Variants in U2SURP observed in about 807,000 individuals in gnomAD.
U2SURP encodes the protein U2 snRNP-associated SURP motif-containing protein.
Under a neutral mutation model 144.9 loss-of-function variants are expected in U2SURP, and 9 were observed. The observed-to-expected ratio is 0.06, with a 90% CI of 0.04 to 0.11. The LOEUF (loss-of-function observed/expected upper bound fraction) is 0.11, where lower values mean the gene tolerates loss of function less well. U2SURP is among the 10% of genes least tolerant of loss of function. U2SURP has a pLI of 1.00. For missense variants in U2SURP, 724 were observed against 1,226.7 expected (o/e 0.59, Z 6.12); for synonymous variants, 408 against 396.8 (o/e 1.03, Z -0.33).
At position 143,001,651 on chromosome 3, in the gene U2SURP, G is replaced by T. The variant is rs755269749; in HGVS notation, c.23G>T (p.Gly8Val). 23 of 1,613,874 alleles carry T rather than the reference G, an allele frequency of 1.4e-5. No individual in the cohort carries two copies. The highest frequency in any genetic ancestry group is 1.9e-5 in the Non-Finnish European group (23 of 1,179,902). MADKTPG[G>V]SQKASSKTRS... ...AAGATGGCGGACAAAACGCCAGGCG[G>T]ATCTCAGAAGGCCAGTTCAAAGGTA... The change falls in exon 1 of 28, where the codon GGA becomes GTA. Residue 8 changes from glycine to valine, a missense_variant. By Grantham distance (109) the Gly-to-Val change is moderately radical (BLOSUM62 -3). Coordinates refer to ENST00000473835, the MANE Select transcript of U2SURP (RefSeq NM_001080415.2).
intron 1 of U2SURP, among the ~76,000 whole-genome samples, chr3:143,009,292 C>A (rs1485997600): frequency 6.6e-6 from 1 of 151,876 alleles, no homozygotes; most frequent in African/African-American, 2.4e-5. Context: ...GACAGAAAAA[C>A]CATGGACAGA....
chr3:143,031,283 G>T lies in U2SURP; in HGVS notation c.1611-1501G>T, dbSNP rs73157691. On this transcript the variant is annotated intron_variant, in intron 16 of 27. Coordinates refer to ENST00000473835, the MANE Select transcript of U2SURP (RefSeq NM_001080415.2). ...GAGAGGATTGACTACAGTTTGGCAA[G>T]ACATTCTCCTCTGGGTAAAATGTTA... Among the ~76,000 whole-genome samples the T allele has an allele frequency of 9.3e-3, 1,410 of 152,314 alleles. 11 individuals are homozygous for T. The highest frequency in any genetic ancestry group is 0.017 in the Non-Finnish European group (1,127 of 68,014).
chr3:143,045,028 A>C (rs1392944613), intron 24 of U2SURP, among the ~76,000 whole-genome samples: 2 of 152,090 alleles, frequency 1.3e-5, no homozygotes. Flanking sequence ...TCACCTGTGC[A>C]CCTTTTCAAC....
rs1935280883 is a variant in U2SURP, at chr3:143,059,290, A to G, written c.*2840A>G. The stretch of plus-strand genomic sequence containing the variant: ...CTAAAGATGGCAGAAATTACTCTAC[A>G]CAGACCTGATTTTTCTTTATTGCAG... On this transcript the variant is annotated 3_prime_UTR_variant, in exon 28 of 28. Transcript: ENST00000473835. 6.6e-6 allele frequency: 1 copy of G among 152,350 alleles called. No homozygotes were observed. The highest frequency in any genetic ancestry group is 1.5e-5 in the Non-Finnish European group (1 of 67,818). The allele number at this position is 152,350 out of a possible 1,614,324, so 9.4% of individuals were successfully genotyped here. A position where few individuals can be genotyped will look rare whatever the true frequency, so the allele number is the denominator to read the frequency against.
intron 1 of U2SURP, among the ~76,000 whole-genome samples, chr3:143,005,842 C>CT (rs1935802660): frequency 6.6e-6 from 1 of 151,550 alleles, no homozygotes; most frequent in Non-Finnish European, 1.5e-5. Context: ...ACCCTCCACC[C>CT]TTTTTTTCAA....
intron 1 of U2SURP, among the ~76,000 whole-genome samples, chr3:143,005,125 C>A (rs893737271): frequency 2.0e-5 from 3 of 150,250 alleles, no homozygotes; most frequent in South Asian, 2.1e-4. Flanking sequence ...CCTGCTATTT[C>A]ACTCTGTGAC....
At chr3:143,037,982 A>G (rs1933902056) in intron 21 of U2SURP, 126 bp from the exon 22 acceptor site, 1 of 563,578 alleles carries the variant, frequency 1.8e-6, no homozygotes. Flanking sequence ...TGTTCTTAGT[A>G]TTACTATTTG....
At chr3:143,013,862 G>A (rs1207640230) in intron 3 of U2SURP, among the ~76,000 whole-genome samples, 1 of 151,988 alleles carries the variant, frequency 6.6e-6, no homozygotes, top group Non-Finnish European at 1.5e-5. Context: ...TAAAAAATAA[G>A]TGATTTATAA....
intron 25 of U2SURP, among the ~76,000 whole-genome samples, chr3:143,052,115 A>T (rs921870485): frequency 6.6e-6 from 1 of 152,212 alleles, no homozygotes; most frequent in African/African-American, 2.4e-5. Context: ...GGCTGGGCGC[A>T]GTTGCTCACG....
At chr3:143,041,935 A>G (rs1038372195) in intron 23 of U2SURP, among the ~76,000 whole-genome samples, 4 of 151,844 alleles carry the variant, frequency 2.6e-5, no homozygotes, top group African/African-American at 9.7e-5. Context: ...GTATATGGGT[A>G]TCTTGTTTTG....
Position 143,038,923 on chromosome 3 carries a change from G to T in U2SURP, c.2347G>T (p.Asp783Tyr). 1 of 1,544,746 alleles carries T rather than the reference G, an allele frequency of 6.5e-7. No homozygotes were observed. The highest frequency in any genetic ancestry group is 1.3e-5 in the South Asian group (1 of 79,624). Residue 783 changes from aspartate (D) to tyrosine (Y), a missense_variant, in exon 23 of 28, where the codon GAC becomes TAC. Asp to Tyr is a radical substitution (Grantham distance 160). Around this residue, in one of 13 missense-constraint regions of U2SURP, gnomAD observed 50 missense variants for 48.0 expected, o/e 1.04. Transcript: ENST00000473835. The part of the protein sequence containing the change: ...AVTTSKWELF[D>Y]QHEESEEEEN... ...TACAACTTCTAAATGGGAATTATTTGACCAGCATGAAGAATCAGAAGAAGA... is the reference window on the plus strand; with the variant it reads ...TACAACTTCTAAATGGGAATTATTTTACCAGCATGAAGAATCAGAAGAAGA...
At position 143,043,234 on chromosome 3, in the gene U2SURP, T is replaced by C; in HGVS notation, c.2502T>C (p.Ser834=). 2 of 1,604,646 alleles carry C rather than the reference T, an allele frequency of 1.2e-6. No homozygotes were observed. The highest frequency in any genetic ancestry group is 1.7e-6 in the Non-Finnish European group (2 of 1,174,922). ...CTGAGTCTAAGTTCTCTAAGTACTCTGAAATGAGTGAGGAAAAACGAGCCA... is the reference window on the plus strand; with the variant it reads ...CTGAGTCTAAGTTCTCTAAGTACTCCGAAATGAGTGAGGAAAAACGAGCCA... ...EMTESKFSKY[S]EMSEEKRAKL... The change falls in exon 24 of 28, where the codon TCT becomes TCC. Residue 834 remains serine, a synonymous_variant. Coordinates refer to ENST00000473835, the MANE Select transcript of U2SURP (RefSeq NM_001080415.2).
chr3:143,015,386 A>G (rs977969107), intron 4 of U2SURP, among the ~76,000 whole-genome samples: 4 of 151,944 alleles, frequency 2.6e-5, no homozygotes, highest in Non-Finnish European at 4.4e-5. Flanking sequence ...TGCAGAAACT[A>G]TTGTACAATC....
intron 21 of U2SURP, 52 bp from the exon 22 acceptor site, chr3:143,038,056 C>T: frequency 7.5e-7 from 1 of 1,342,044 alleles, no homozygotes; most frequent in Non-Finnish European, 1.0e-6. Flanking sequence ...GAATGTAATA[C>T]TTCGGGTCAT....
At chr3:143,040,060 A>G (rs1033468252) in intron 23 of U2SURP, among the ~76,000 whole-genome samples, 3 of 151,942 alleles carry the variant, frequency 2.0e-5, no homozygotes, top group Non-Finnish European at 4.4e-5. Flanking sequence ...TGATCCTATG[A>G]TTAGTAACAT....
At chr3:143,042,956 G>A (rs1461903085) in intron 23 of U2SURP, among the ~76,000 whole-genome samples, 161 bp from the exon 24 acceptor site, 1 of 152,060 alleles carries the variant, frequency 6.6e-6, no homozygotes, top group Non-Finnish European at 1.5e-5. Context: ...GTAAAATATT[G>A]ATAAAATATT....
chr3:143,033,925 C>A (rs1241156958), intron 18 of U2SURP, among the ~76,000 whole-genome samples: 2 of 152,152 alleles, frequency 1.3e-5, no homozygotes, highest in Non-Finnish European at 2.9e-5. Flanking sequence ...TTAAAGAGAA[C>A]TTTATTGCAT....
chr3:143,022,464 T>G (rs770827427), intron 10 of U2SURP, 33 bp from the exon 11 acceptor site: 141 of 1,438,350 alleles, frequency 9.8e-5, no homozygotes, highest in Non-Finnish European at 1.3e-4. Context: ...TTCCCTTTTT[T>G]GCATAATAAA....
rs1366881282 is a variant in U2SURP at position 143,058,953 on chromosome 3, C to T, written c.*2503C>T. 1 of 151,900 alleles carries T rather than the reference C, an allele frequency of 6.6e-6. No homozygotes were observed. The highest frequency in any genetic ancestry group is 2.4e-5 in the African/African-American group (1 of 41,428). The allele number at this position is 151,900 out of a possible 1,614,324, so 9.4% of individuals were successfully genotyped here. Reference sequence around the variant, plus strand: ...GGGCATGACTTAGGCTCTTTACCCTCCAACTTAATGTTTATACACAGGGAT... The same window carrying T: ...GGGCATGACTTAGGCTCTTTACCCTTCAACTTAATGTTTATACACAGGGAT... On this transcript the variant is annotated 3_prime_UTR_variant, in exon 28 of 28. Transcript: ENST00000473835.
Sources: gnomAD v4.1 joint callset for allele counts (sites outside exome capture counted in the v4.1 genomes callset) on GRCh38, gnomAD v4.1.1 for gene constraint, gnomAD v4.1.1 regional missense constraint, MANE v1.5 for transcripts, NCBI Gene and HGNC (gene_info 2026-07-23, HGNC 2026-07-21) for gene names.